CCDC18: variants seen among roughly 807,000 people sequenced by gnomAD.
CCDC18 encodes coiled-coil domain-containing protein 18.
CCDC18 carries 157 observed loss-of-function variants against 196.0 expected under a neutral mutation model. The ratio of observed to expected loss-of-function variants is 0.80; its 90% CI spans 0.70 to 0.91. The LOEUF is 0.91. Among genes scored for constraint, CCDC18 ranks in the 40% least tolerant of loss-of-function variants. The probability of loss-of-function intolerance (pLI) is 0.00; values close to 1 mark genes in which losing one functional copy is unlikely to be tolerated. For synonymous variants in CCDC18, 482 were observed against 529.2 expected, an observed-to-expected ratio of 0.91 and a Z score of 1.22; for missense variants, 1,465 against 1,611.6, an observed-to-expected ratio of 0.91 and a Z score of 1.56.
intron 7 of CCDC18, among the ~76,000 whole-genome samples, chr1:93,204,047 G>T (rs775496369): frequency 1.3e-5 from 2 of 152,092 alleles, no homozygotes; most frequent in African/African-American, 4.8e-5. Flanking sequence ...GTGTGTGGTG[G>T]GTTGGGAGAG....
At chr1:93,260,568 TAGAG>T (rs1437815572) in intron 26 of CCDC18, among the ~76,000 whole-genome samples, 3 of 152,210 alleles carry the variant, frequency 2.0e-5, no homozygotes, top group East Asian at 1.9e-4. Context: ...ATTAAAGTAA[TAGAG>T]AGCTAGAAAA....
chr1:93,200,165 C>T (rs990893405), intron 6 of CCDC18, among the ~76,000 whole-genome samples: 20 of 151,734 alleles, frequency 1.3e-4, no homozygotes, highest in African/African-American at 4.1e-4. Context: ...TTTGTAGAGA[C>T]GATCTCACTA....
Position 93,270,594 on chromosome 1 carries a change from TAAAG to T in CCDC18, c.4137_4140del (p.Lys1380CysfsTer3), listed in dbSNP as rs770489359. 19 of 1,550,386 alleles carry T rather than the reference TAAAG, an allele frequency of 1.2e-5. No homozygotes were observed. In the South Asian group the frequency reaches 1.8e-4, roughly 15 times the overall value. On this transcript the variant is annotated frameshift_variant, in exon 28 of 29. Coordinates refer to ENST00000690025, the MANE Select transcript of CCDC18 (RefSeq NM_001378204.1). LOFTEE classifies it high-confidence loss of function. ...CTTTCTGAAGAATTACTACAGGACT[TAAAG>T]AAAATGCAATTAGAACAGCCTTCAA...
At chr1:93,181,052 T>C (rs1239597524) in intron 1 of CCDC18, among the ~76,000 whole-genome samples, 200 bp downstream of exon 1, 1 of 151,758 alleles carries the variant, frequency 6.6e-6, no homozygotes. Context: ...CGCAGTGGCT[T>C]ACGCCTGTTA....
At chr1:93,188,657 TG>T (rs998977601) in intron 4 of CCDC18, among the ~76,000 whole-genome samples, 2 of 152,206 alleles carry the variant, frequency 1.3e-5, no homozygotes, top group Non-Finnish European at 2.9e-5. Context: ...CCCATTTGTT[TG>T]TTTTTCACTT....
rs1377808476 is a variant in CCDC18 at position 93,223,747 on chromosome 1, C to CA, written c.2175+1817dup. On this transcript the variant is annotated intron_variant, in intron 16 of 28. Transcript: ENST00000690025. ...TACTTTAGATTCCCCAAAACCCCCA[C>CA]AAAAAAGTCTTAAACATAAAAGAAG... 2.6e-5 allele frequency among the ~76,000 whole-genome samples: 4 copies of CA among 152,152 alleles called. No individual in the cohort carries two copies. In the East Asian group the frequency reaches 5.8e-4, roughly 22 times the overall value.
At chr1:93,183,315 C>T (rs1333076113) in intron 1 of CCDC18, 45 bp from the exon 2 acceptor site, 1 of 1,380,112 alleles carries the variant, frequency 7.2e-7, no homozygotes, top group East Asian at 2.5e-5. Context: ...ACTGAAACTA[C>T]AGAATCTTTC....
At chr1:93,202,077 T>G in intron 7 of CCDC18, 89 bp downstream of exon 7, 1 of 636,416 alleles carries the variant, frequency 1.6e-6, no homozygotes, top group Non-Finnish European at 2.6e-6. Context: ...TGTTTATGGT[T>G]GAGACAGAGA....
rs1217567032 is a variant in CCDC18, at chr1:93,246,955, G to A, written c.3198+1G>A. On this transcript the variant is annotated splice_donor_variant, in intron 23 of 28. Transcript: ENST00000690025. LOFTEE classifies it high-confidence loss of function. The stretch of plus-strand genomic sequence containing the variant: ...GGAACTTAAAGAATGTAACAAACAG[G>A]TAAATTATTTTAAAATTACGTATTT... The A allele has an allele frequency of 9.0e-6, 10 of 1,116,256 alleles. No homozygotes were observed. Among genetic ancestry groups the A allele is most frequent in the Middle Eastern group, 2.2e-4 (1 of 4,560 alleles). The allele number at this position is 1,116,256 out of a possible 1,614,324, so 69.1% of individuals were successfully genotyped here. A position where few individuals can be genotyped will look rare whatever the true frequency, so the allele number is the denominator to read the frequency against.
intron 8 of CCDC18, 106 bp downstream of exon 8, chr1:93,205,737 TAGA>T: frequency 9.6e-7 from 1 of 1,042,954 alleles, no homozygotes. Context: ...TTACATTATA[TAGA>T]AGGATAGGCT....
At chr1:93,192,370 T>C (rs1337147532) in intron 5 of CCDC18, among the ~76,000 whole-genome samples, 1 of 152,224 alleles carries the variant, frequency 6.6e-6, no homozygotes. Flanking sequence ...TTTCTTCACC[T>C]ACATAGAAGT....
At chr1:93,254,941 CTTTTTTTTTTTTTTTT>C (rs34139452) in intron 24 of CCDC18, among the ~76,000 whole-genome samples, 2 of 44,268 alleles carry the variant, frequency 4.5e-5, no homozygotes, top group African/African-American at 2.0e-4. Context: ...GAGGAGTCAG[CTTTTTTTTTTTTTTTT>C]TTTTTTTTTT....
intron 14 of CCDC18, among the ~76,000 whole-genome samples, chr1:93,220,464 A>G (rs953569626): frequency 7.9e-5 from 12 of 152,216 alleles, no homozygotes; most frequent in Non-Finnish European, 1.8e-4. Context: ...AAAACAGTAA[A>G]TATTTGGTAA....
rs780283117 is a variant in CCDC18 at position 93,201,942 on chromosome 1, A to G, written c.749A>G (p.Lys250Arg). Residue 250 changes from lysine to arginine, a missense_variant, in exon 7 of 29, where the codon AAA (lysine) becomes AGA (arginine). By Grantham distance (26) the Lys-to-Arg change is conservative. Coordinates refer to ENST00000690025, the MANE Select transcript of CCDC18 (RefSeq NM_001378204.1). ...CTATATAATGCCGAAGAGCTGAGTA[A>G]AGCTTTCCAACAATATAAAAAAAAA... ...EALYNAEELS[K>R]AFQQYKKKVA... 1 of 1,610,426 alleles carries G rather than the reference A, an allele frequency of 6.2e-7. No individual in the cohort carries two copies. Among genetic ancestry groups the G allele is most frequent in the South Asian group, 1.1e-5 (1 of 90,184 alleles).
intron 16 of CCDC18, among the ~76,000 whole-genome samples, chr1:93,225,294 C>A (rs766123740): frequency 6.6e-6 from 1 of 152,148 alleles, no homozygotes; most frequent in Non-Finnish European, 1.5e-5. Context: ...GCGCCTTGAA[C>A]GAAAAGTACC....
upstream of CCDC18, chr1:93,180,188 G>A: frequency 6.2e-7 from 1 of 1,613,566 alleles, no homozygotes; most frequent in Non-Finnish European, 8.5e-7. Flanking sequence ...AGCAGCACCG[G>A]AGGCAGAGCG....
At chr1:93,222,331 C>G (rs923185557) in intron 16 of CCDC18, among the ~76,000 whole-genome samples, 3 of 151,816 alleles carry the variant, frequency 2.0e-5, no homozygotes, top group Non-Finnish European at 2.9e-5. Flanking sequence ...TGCAGGTTAT[C>G]TAGCCTCTTT....
chr1:93,232,537 CA>C lies in CCDC18; in HGVS notation c.2406del (p.Glu803ArgfsTer8). The C allele has an allele frequency of 6.2e-7, 1 of 1,612,834 alleles. No homozygotes were observed. The highest frequency in any genetic ancestry group is 1.3e-5 in the African/African-American group (1 of 74,976). On this transcript the variant is annotated frameshift_variant, in exon 18 of 29. Coordinates refer to ENST00000690025, the MANE Select transcript of CCDC18 (RefSeq NM_001378204.1). LOFTEE classifies it high-confidence loss of function. ...TCAGCAACAGCAGCAAATGTTACAA[CA>C]AGAGACAATTAGAAATGGAGAGCTA... is the stretch of plus-strand genomic sequence containing the variant. ...TLQQQQQMLQ[Q>X]ETIRNGELED...
intron 25 of CCDC18, 110 bp downstream of exon 25, chr1:93,256,648 T>G (rs1204048156): frequency 1.2e-6 from 1 of 860,330 alleles, no homozygotes; most frequent in Non-Finnish European, 1.8e-6. Flanking sequence ...TGCACAACAG[T>G]GTGAATGTAC....
Sources: allele counts gnomAD v4.1 joint callset (sites outside exome capture counted in the v4.1 genomes callset), GRCh38; gene constraint gnomAD v4.1.1; transcripts MANE v1.5; gene names NCBI Gene and HGNC (gene_info 2026-07-23, HGNC 2026-07-21).